The following SEMA5A variants were observed in gnomAD, a reference collection of about 807,000 sequenced individuals.
SEMA5A encodes the protein semaphorin 5A.
A neutral mutation model predicts 135.5 loss-of-function variants in SEMA5A; 55 were observed. The ratio of observed to expected loss-of-function variants is 0.41; its 90% CI spans 0.33 to 0.51. SEMA5A has a LOEUF of 0.51. Ranked by LOEUF, SEMA5A falls within the 20% of genes least tolerant of loss-of-function variation. The pLI is 0.37. For synonymous variants in SEMA5A, 580 were observed against 546.5 expected (o/e 1.06, Z -0.85); for missense variants, 1,290 against 1,419.9 (o/e 0.91, Z 1.47).
intron 11 of SEMA5A, among the ~76,000 whole-genome samples, chr5:9,184,158 T>A (rs1479831007): frequency 6.6e-6 from 1 of 152,142 alleles, no homozygotes; most frequent in African/African-American, 2.4e-5. Flanking sequence ...ACATGCTCAA[T>A]TCACATTTTC....
At chr5:9,344,640 A>G (rs750896906) in intron 3 of SEMA5A, among the ~76,000 whole-genome samples, 1 of 152,252 alleles carries the variant, frequency 6.6e-6, no homozygotes, top group Non-Finnish European at 1.5e-5. Context: ...GAAGATCTCA[A>G]TATTGGAGAA....
chr5:9,351,406 C>T (rs925082177), intron 3 of SEMA5A, among the ~76,000 whole-genome samples: 1 of 152,042 alleles, frequency 6.6e-6, no homozygotes, highest in African/African-American at 2.4e-5. Context: ...AGACAAATGC[C>T]ACTTATGATA....
intron 9 of SEMA5A, among the ~76,000 whole-genome samples, chr5:9,199,109 T>C (rs1163797399): frequency 6.6e-6 from 1 of 152,092 alleles, no homozygotes; most frequent in African/African-American, 2.4e-5. Context: ...TCCAGGCAGC[T>C]TCCAGGTAAA....
intron 13 of SEMA5A, among the ~76,000 whole-genome samples, chr5:9,128,167 G>A (rs559913452): frequency 1.7e-4 from 26 of 152,188 alleles, no homozygotes; most frequent in African/African-American, 6.3e-4. Flanking sequence ...AGAGGGAGGA[G>A]GAATCTGTGG....
At chr5:9,460,535 A>T (rs906306160) in intron 1 of SEMA5A, among the ~76,000 whole-genome samples, 8 of 152,298 alleles carry the variant, frequency 5.3e-5, no homozygotes, top group African/African-American at 9.6e-5. Flanking sequence ...ATTAAAGATT[A>T]AAAAAGTAAT....
intron 11 of SEMA5A, among the ~76,000 whole-genome samples, chr5:9,163,735 G>T (rs1448945457): frequency 6.6e-6 from 1 of 151,768 alleles, no homozygotes; most frequent in African/African-American, 2.4e-5. Context: ...GCCCTCATCT[G>T]ATATGAGTGT....
At chr5:9,259,166 T>A (rs945108556) in intron 5 of SEMA5A, among the ~76,000 whole-genome samples, 2 of 152,202 alleles carry the variant, frequency 1.3e-5, no homozygotes, top group Non-Finnish European at 2.9e-5. Flanking sequence ...TTCTAATTCT[T>A]TTGCTATCTG....
chr5:9,370,119 T>C (rs753676979), intron 3 of SEMA5A, among the ~76,000 whole-genome samples: 9 of 152,376 alleles, frequency 5.9e-5, no homozygotes, highest in Non-Finnish European at 1.0e-4. Flanking sequence ...ACTGGGCCTC[T>C]GCTTTCATCT....
At chr5:9,496,627 A>T (rs548645876) in intron 1 of SEMA5A, among the ~76,000 whole-genome samples, 1 of 152,242 alleles carries the variant, frequency 6.6e-6, no homozygotes, top group African/African-American at 2.4e-5. Context: ...CCCAGCTGGG[A>T]TGTGGCAGGG....
intron 15 of SEMA5A, among the ~76,000 whole-genome samples, chr5:9,113,815 A>G (rs911353395): frequency 1.3e-5 from 2 of 152,234 alleles, no homozygotes; most frequent in African/African-American, 2.4e-5. Context: ...AGAAGAATGC[A>G]GAGAAATTGG....
chr5:9,117,382 T>A (rs746022042), intron 15 of SEMA5A, among the ~76,000 whole-genome samples: 1 of 152,200 alleles, frequency 6.6e-6, no homozygotes, highest in Non-Finnish European at 1.5e-5. Context: ...AGGTTGAGCA[T>A]CCCTTAGCTG....
intron 16 of SEMA5A, among the ~76,000 whole-genome samples, chr5:9,104,208 C>G (rs1215892242): frequency 1.3e-5 from 2 of 151,944 alleles, no homozygotes; most frequent in African/African-American, 4.8e-5. Flanking sequence ...GATTTTTTTT[C>G]CATCTCCAAG....
chr5:9,317,708 T>C (rs1752452133), intron 5 of SEMA5A, among the ~76,000 whole-genome samples: 1 of 152,162 alleles, frequency 6.6e-6, no homozygotes, highest in Non-Finnish European at 1.5e-5. Context: ...TGGCATAGTC[T>C]GTAGGGAGTT....
chr5:9,365,133 T>G (rs1464194392), intron 3 of SEMA5A, among the ~76,000 whole-genome samples: 1 of 152,074 alleles, frequency 6.6e-6, no homozygotes, highest in Non-Finnish European at 1.5e-5. Context: ...CATTAGAAAA[T>G]ATACAGAACT....
intron 21 of SEMA5A, among the ~76,000 whole-genome samples, chr5:9,049,008 G>C (rs1736417644): frequency 6.6e-6 from 1 of 152,062 alleles, no homozygotes; most frequent in African/African-American, 2.4e-5. Context: ...CTGCGTGGGT[G>C]CCCATCCTAA....
intron 6 of SEMA5A, among the ~76,000 whole-genome samples, chr5:9,236,233 T>A (rs926246650): frequency 1.3e-5 from 2 of 152,046 alleles, no homozygotes; most frequent in Non-Finnish European, 1.5e-5. Flanking sequence ...GGCATTGATA[T>A]CCCCAGGCAA....
At chr5:9,215,776 CTTCT>C (rs2150396603) in intron 8 of SEMA5A, among the ~76,000 whole-genome samples, 1 of 151,838 alleles carries the variant, frequency 6.6e-6, no homozygotes, top group South Asian at 2.1e-4. Flanking sequence ...TTATTTGGAT[CTTCT>C]TTCTTTTCTT....
At chr5:9,244,397 C>T (rs1561064885) in intron 5 of SEMA5A, among the ~76,000 whole-genome samples, 6 of 152,186 alleles carry the variant, frequency 3.9e-5, no homozygotes, top group South Asian at 4.1e-4. Flanking sequence ...ACAAAGCAGA[C>T]ACATTCCCTA....
intron 1 of SEMA5A, among the ~76,000 whole-genome samples, chr5:9,470,515 C>CA: frequency 6.6e-6 from 1 of 152,274 alleles, no homozygotes; most frequent in African/African-American, 2.4e-5. Context: ...TCACATAAAA[C>CA]AAAAAACTCA....
Sources: allele counts gnomAD v4.1 joint callset (sites outside exome capture counted in the v4.1 genomes callset), GRCh38; gene constraint gnomAD v4.1.1; transcripts MANE v1.5; gene names NCBI Gene and HGNC (gene_info 2026-07-23, HGNC 2026-07-21).